The following SEC16A variants were observed in gnomAD, a reference collection of about 807,000 sequenced individuals.
SEC16A encodes the protein SEC16 homolog A, endoplasmic reticulum export factor.
Under a neutral mutation model 221.9 loss-of-function variants are expected in SEC16A, and 110 were observed. That is an observed-to-expected ratio of 0.50 (90% confidence interval 0.42 to 0.58). The LOEUF is 0.58. Ranked by LOEUF, SEC16A falls within the 20% of genes least tolerant of loss-of-function variation. The pLI, the probability that SEC16A is intolerant of heterozygous loss-of-function variation, is 0.00. For synonymous variants in SEC16A, 1,393 were observed against 1,257.7 expected (o/e 1.11, Z -2.28); for missense variants, 3,165 against 3,097.8 (o/e 1.02, Z -0.52).
upstream of SEC16A, chr9:136,483,052 C>T (rs1842617870): frequency 7.1e-6 from 7 of 982,226 alleles, no homozygotes; most frequent in South Asian, 1.9e-4. Context: ...GCTCGGGTCT[C>T]CGCGGCCGCC....
chr9:136,454,109 C>G lies in SEC16A; in HGVS notation c.6076G>C (p.Gly2026Arg). 3 of 1,550,462 alleles carry G rather than the reference C, an allele frequency of 1.9e-6. No homozygotes were observed. The highest frequency in any genetic ancestry group is 2.6e-6 in the Non-Finnish European group (3 of 1,147,104). Residue 2026 changes from glycine to arginine, a missense_variant and splice_region_variant, in exon 21 of 32, where the codon GGG becomes CGG. By Grantham distance (125) the Gly-to-Arg change is moderately radical. This residue lies in a region of SEC16A where 1,088 missense variants were observed against 1,089.6 expected (regional missense o/e 1.00). Coordinates refer to ENST00000684901, the MANE Select transcript of SEC16A (RefSeq NM_014866.2). ...CGAGACAGCATCTCTGCAGCCCCAC[C>G]TGGGTCTGGGCTCCTGGCTTCCTGG... ...LLQEARSPDP[G>R]IVPQEAPVGN... is the part of the protein sequence containing the mutation.
At chr9:136,480,919 G>A (rs528412635) in intron 1 of SEC16A, among the ~76,000 whole-genome samples, 6 of 151,998 alleles carry the variant, frequency 3.9e-5, no homozygotes, top group Admixed American at 3.3e-4. Flanking sequence ...AGCTCTCCTA[G>A]ACTAAGAGCT....
chr9:136,476,015 G>A lies in SEC16A; in HGVS notation c.1601C>T (p.Ser534Leu), dbSNP rs1468983508. 3.1e-6 allele frequency: 5 copies of A among 1,613,310 alleles called. No individual in the cohort carries two copies. The highest frequency in any genetic ancestry group is 3.4e-6 in the Non-Finnish European group (4 of 1,179,852). The change falls in exon 3 of 32, where the codon TCA (serine) becomes TTA (leucine). Residue 534 changes from serine (S) to leucine (L), a missense_variant. Around this residue, in one of 3 missense-constraint regions of SEC16A, gnomAD observed 2,030 missense variants for 1,923.1 expected, o/e 1.06. Transcript: ENST00000684901. ...CAGCTCCTGGGGCCTGGCTGAGCCTGAGAGCCTTCCGTGGCTTCTGCTGCT... is the reference window on the plus strand; with the variant it reads ...CAGCTCCTGGGGCCTGGCTGAGCCTAAGAGCCTTCCGTGGCTTCTGCTGCT... ...SYSSRSHGRL[S>L]GSARPQELVG...
Position 136,459,136 on chromosome 9 carries a change from G to C in SEC16A, c.5407C>G (p.Gln1803Glu). 1.9e-6 allele frequency: 3 copies of C among 1,606,450 alleles called. No homozygotes were observed. Among genetic ancestry groups the C allele is most frequent in the Non-Finnish European group, 2.6e-6 (3 of 1,174,812 alleles). The change falls in exon 17 of 32, where the codon CAG (glutamine) becomes GAG (glutamate). Residue 1803 changes from glutamine (Q) to glutamate (E), a missense_variant and splice_region_variant. Physicochemically the swap from Gln to Glu is conservative, Grantham distance 29. This residue lies in a region of SEC16A where 1,088 missense variants were observed against 1,089.6 expected (regional missense o/e 1.00). Coordinates refer to ENST00000684901, the MANE Select transcript of SEC16A (RefSeq NM_014866.2). This position sits in a 1 kb window ranked among gnomAD's most constrained non-coding sequence, Gnocchi z 6.1. ...GCAGGCTGGCAGCACCTGCTTACCT[G>C]GAAACTAGGCAGGGGGCAGGTCTCG... is the stretch of plus-strand genomic sequence containing the variant. The part of the protein sequence containing the change: ...GAETCPLPSF[Q>E]VFKFIYSCRL...
Position 136,475,951 on chromosome 9 carries a change from C to T in SEC16A, c.1665G>A (p.Glu555=), listed in dbSNP as rs750622102. The T allele has an allele frequency of 1.2e-6, 2 of 1,613,614 alleles. No individual in the cohort carries two copies. Among genetic ancestry groups the T allele is most frequent in the African/African-American group, 1.3e-5 (1 of 75,050 alleles). Reference sequence around the variant, plus strand: ...TAAAAAAACTACCTGAAGCTTCATCCTCGGGTTTTCCAACTTCTTGCTGAA... The same window carrying T: ...TAAAAAAACTACCTGAAGCTTCATCTTCGGGTTTTCCAACTTCTTGCTGAA... The part of the protein sequence containing the change: ...TFIQQEVGKP[E]DEASGSFFKQ... The change falls in exon 3 of 32, where the codon GAG becomes GAA. Residue 555 remains glutamate, a synonymous_variant. Transcript: ENST00000684901. The surrounding 1 kb of genome is among the most constrained non-coding windows in gnomAD (Gnocchi z 5.0).
rs1020406057 is a variant in SEC16A, at chr9:136,446,913, C to T, written c.6734G>A (p.Arg2245Lys). The change falls in exon 28 of 32, where the codon AGG (arginine) becomes AAG (lysine). Residue 2245 changes from arginine (R) to lysine (K), a missense_variant. Around this residue, in one of 3 missense-constraint regions of SEC16A, gnomAD observed 1,088 missense variants for 1,089.6 expected, o/e 1.00. Coordinates refer to ENST00000684901, the MANE Select transcript of SEC16A (RefSeq NM_014866.2). ...GCCCCTAGCTGCTGCAGGCCCTTCC[C>T]TGCCAGTCCCGTCTGGAAGCTGTGG... ...EEPQLPDGTG[R>K]EGPAAARGLA... 18 of 1,613,710 alleles carry T rather than the reference C, an allele frequency of 1.1e-5. No individual in the cohort carries two copies. Among genetic ancestry groups the T allele is most frequent in the Non-Finnish European group, 1.4e-5 (17 of 1,179,862 alleles).
At chr9:136,461,651 G>A (rs1242198122) in intron 12 of SEC16A, among the ~76,000 whole-genome samples, 5 of 152,168 alleles carry the variant, frequency 3.3e-5, no homozygotes, top group African/African-American at 1.2e-4. Flanking sequence ...CTGTCAACAC[G>A]GAGAGTGACT....
At position 136,466,134 on chromosome 9, in the gene SEC16A, A is replaced by C. The variant is rs1451524614; in HGVS notation, c.4131T>G (p.Ser1377Arg). Residue 1377 changes from serine to arginine, a missense_variant and splice_region_variant, in exon 8 of 32, where the codon AGT becomes AGG. Physicochemically the swap from Ser to Arg is moderately radical, Grantham distance 110. Transcript: ENST00000684901. This position sits in a 1 kb window ranked among gnomAD's most constrained non-coding sequence, Gnocchi z 5.5. ...CCACATTGTGGCTTCTGTAAATCTG[A>C]CTCTTAGAAAACAAAGCAAACGGGC... ...RSSLSSHSHQ[S>R]QIYRSHNVAA... The C allele has an allele frequency of 1.3e-6, 2 of 1,588,830 alleles. No individual in the cohort carries two copies. Among genetic ancestry groups the C allele is most frequent in the Non-Finnish European group, 1.7e-6 (2 of 1,165,882 alleles).
At chr9:136,456,757 G>A (rs545781511) in intron 18 of SEC16A, among the ~76,000 whole-genome samples, 80 of 152,306 alleles carry the variant, frequency 5.3e-4, no homozygotes, top group African/African-American at 1.5e-3. Flanking sequence ...CAGTCATGCC[G>A]CCTCTGTTTT....
At position 136,468,306 on chromosome 9, in the gene SEC16A, C is replaced by T. The variant is rs1840408304; in HGVS notation, c.3802+109G>A. ...ACATAAAGAGATTAATAAAAGGGGA[C>T]ATTTCCTGGAAGTCACCAGCAGGTG... On this transcript the variant is annotated intron_variant, in intron 5 of 31. Coordinates refer to ENST00000684901, the MANE Select transcript of SEC16A (RefSeq NM_014866.2). 2.7e-5 allele frequency: 16 copies of T among 597,446 alleles called. No homozygotes were observed. In the South Asian group the frequency reaches 3.7e-4, roughly 14 times the overall value. The allele number at this position is 597,446 out of a possible 1,614,324, so 37.0% of individuals were successfully genotyped here.
chr9:136,459,968 G>GT lies in SEC16A; in HGVS notation c.5073+73dup, dbSNP rs1024223261. ...GGGCTCACCAGGCACCTCACGGCCT[G>GT]TGACAGCGTCACCCACGAGCAAACT... is the stretch of plus-strand genomic sequence containing the variant. On this transcript the variant is annotated intron_variant, in intron 14 of 31. Coordinates refer to ENST00000684901, the MANE Select transcript of SEC16A (RefSeq NM_014866.2). This position sits in a 1 kb window ranked among gnomAD's most constrained non-coding sequence, Gnocchi z 6.1. 1 of 1,539,250 alleles carries GT rather than the reference G, an allele frequency of 6.5e-7. No homozygotes were observed. The highest frequency in any genetic ancestry group is 1.4e-5 in the African/African-American group (1 of 73,122).
rs1000908485 is a variant in SEC16A at position 136,447,288 on chromosome 9, C to T, written c.6636G>A (p.Ala2212=). 16 of 1,597,826 alleles carry T rather than the reference C, an allele frequency of 1.0e-5. No homozygotes were observed. The highest frequency in any genetic ancestry group is 1.7e-5 in the Admixed American group (1 of 57,290). Residue 2212 remains alanine, a synonymous_variant, in exon 27 of 32, where the codon GCG becomes GCA. Coordinates refer to ENST00000684901, the MANE Select transcript of SEC16A (RefSeq NM_014866.2). The surrounding 1 kb of genome is among the most constrained non-coding windows in gnomAD (Gnocchi z 5.5). ...GTGGCGCGAGTGGAGCGACAAAGTC[C>T]GCAGGAGCGAGAGCCGGCTCGCTCC... The part of the protein sequence containing the change: ...TQRSEPALAP[A]DFVAPLAPLP...
chr9:136,449,573 G>A (rs1237413019), intron 23 of SEC16A, among the ~76,000 whole-genome samples: 2 of 151,844 alleles, frequency 1.3e-5, no homozygotes, highest in Non-Finnish European at 2.9e-5. Context: ...GTGACAGGCA[G>A]GAGCTGCTGC....
chr9:136,449,343 C>T (rs11146028), intron 23 of SEC16A, among the ~76,000 whole-genome samples: 18,177 of 152,282 alleles, frequency 0.12, 1,396 homozygotes, highest in Admixed American at 0.24. Flanking sequence ...CTCTGCCTCC[C>T]GGGTTCAAGT....
In SEC16A at chr9:136,453,556, C is replaced by T. The variant is rs368890383; in HGVS notation, c.6077-46G>A. 47 of 1,505,660 alleles carry T rather than the reference C, an allele frequency of 3.1e-5. 1 individual carries two copies. Among genetic ancestry groups the T allele is most frequent in the Middle Eastern group, 3.4e-4 (2 of 5,832 alleles). The allele number at this position is 1,505,660 out of a possible 1,614,324, so 93.3% of individuals were successfully genotyped here. ...AACTATGATCTCAGTCACGAGAAGGCGGGACGTGTGTGTGGCGCACAGATC... is the reference window on the plus strand; with the variant it reads ...AACTATGATCTCAGTCACGAGAAGGTGGGACGTGTGTGTGGCGCACAGATC... On this transcript the variant is annotated intron_variant, in intron 21 of 31. Transcript: ENST00000684901.
In SEC16A at chr9:136,474,770, C is replaced by G. The variant is rs756003204; in HGVS notation, c.2846G>C (p.Ser949Thr). Residue 949 changes from serine to threonine, a missense_variant, in exon 3 of 32, where the codon AGT becomes ACT. By Grantham distance (58) the Ser-to-Thr change is moderately conservative. Around this residue, in one of 3 missense-constraint regions of SEC16A, gnomAD observed 2,030 missense variants for 1,923.1 expected, o/e 1.06. Coordinates refer to ENST00000684901, the MANE Select transcript of SEC16A (RefSeq NM_014866.2). ...PESQKDRKAG[S>T]ALPGFANSPA... The stretch of plus-strand genomic sequence containing the variant: ...GCTATTAGCAAATCCGGGAAGAGCA[C>G]TTCCTGCCTTACGATCCTTTTGACT... 5.0e-6 allele frequency: 8 copies of G among 1,613,866 alleles called. No homozygotes were observed. In the South Asian group the frequency reaches 8.8e-5, roughly 18 times the overall value.
chr9:136,475,771 T>A lies in SEC16A; in HGVS notation c.1845A>T (p.Lys615Asn), dbSNP rs190874245. Residue 615 changes from lysine (K) to asparagine (N), a missense_variant, in exon 3 of 32, where the codon AAA becomes AAT. Around this residue, in one of 3 missense-constraint regions of SEC16A, gnomAD observed 2,030 missense variants for 1,923.1 expected, o/e 1.06. Transcript: ENST00000684901. This position sits in a 1 kb window ranked among gnomAD's most constrained non-coding sequence, Gnocchi z 5.0. ...TSANSSFEPV[K>N]SHLVGVKPFE... Reference sequence around the variant, plus strand: ...ATGGTTTTACCCCAACTAAGTGAGATTTTACCGGTTCGAAAGAACTATTTG... The same window carrying A: ...ATGGTTTTACCCCAACTAAGTGAGAATTTACCGGTTCGAAAGAACTATTTG... 6.3e-7 allele frequency: 1 copy of A among 1,599,526 alleles called. No homozygotes were observed. The highest frequency in any genetic ancestry group is 2.3e-5 in the East Asian group (1 of 44,344).
Position 136,474,508 on chromosome 9 carries a change from G to T in SEC16A, c.3108C>A (p.Asn1036Lys). ...TGACCTGCTGATAAAAACGGTCAAG[G>T]TTAGGCGCCCCAGGCCCAGATTGTC... is the stretch of plus-strand genomic sequence containing the variant. ...HPRQSGPGAP[N>K]LDRFYQQVTK... The change falls in exon 3 of 32, where the codon AAC becomes AAA. Residue 1036 changes from asparagine to lysine, a missense_variant. This residue lies in a region of SEC16A where 2,030 missense variants were observed against 1,923.1 expected (regional missense o/e 1.06). Coordinates refer to ENST00000684901, the MANE Select transcript of SEC16A (RefSeq NM_014866.2). The T allele has an allele frequency of 6.2e-7, 1 of 1,613,018 alleles. No homozygotes were observed. The highest frequency in any genetic ancestry group is 1.6e-4 in the Middle Eastern group (1 of 6,062).
rs1453046024 is a variant in SEC16A at position 136,457,527 on chromosome 9, A to G, written c.5467T>C (p.Phe1823Leu). The change falls in exon 18 of 32, where the codon TTC becomes CTC. Residue 1823 changes from phenylalanine (F) to leucine (L), a missense_variant. Around this residue, in one of 3 missense-constraint regions of SEC16A, gnomAD observed 1,088 missense variants for 1,089.6 expected, o/e 1.00. Coordinates refer to ENST00000684901, the MANE Select transcript of SEC16A (RefSeq NM_014866.2). ...TTCGCGATGGCCTCACAGTAGTGGA[A>G]GGCTTGCGTGGCCAGCCCCATTTCC... is the stretch of plus-strand genomic sequence containing the variant. ...LAEMGLATQAFHYCEAIAKSI... is the reference protein window; with the variant it reads ...LAEMGLATQALHYCEAIAKSI... The G allele has an allele frequency of 6.2e-7, 1 of 1,610,636 alleles. No homozygotes were observed. The highest frequency in any genetic ancestry group is 1.3e-5 in the African/African-American group (1 of 74,898).
Sources: allele counts gnomAD v4.1 joint callset (sites outside exome capture counted in the v4.1 genomes callset), GRCh38; gene constraint gnomAD v4.1.1; regional missense constraint gnomAD v4.1.1; non-coding constraint Gnocchi (gnomAD v3.1); transcripts MANE v1.5; gene names NCBI Gene and HGNC (gene_info 2026-07-23, HGNC 2026-07-21).